USP37: variants seen among roughly 807,000 people sequenced by gnomAD.
USP37 encodes ubiquitin specific peptidase 37.
Under a neutral mutation model 124.0 loss-of-function variants are expected in USP37, and 27 were observed. The observed-to-expected ratio is 0.22, with a 90% confidence interval of 0.16 to 0.30. USP37 has a LOEUF of 0.30. Ranked by LOEUF, USP37 falls within the 10% of genes least tolerant of loss-of-function variation. The pLI is 1.00. For synonymous variants in USP37, 365 were observed against 388.0 expected, an observed-to-expected ratio of 0.94 and a Z score of 0.70; for missense variants, 889 against 1,140.4, an observed-to-expected ratio of 0.78 and a Z score of 3.17.
chr2:218,456,979 AAG>A, intron 24 of USP37, 111 bp downstream of exon 24: 2 of 1,111,470 alleles, frequency 1.8e-6, no homozygotes, highest in Non-Finnish European at 2.5e-6. Flanking sequence ...CAAAAAAAAA[AAG>A]AAAAAGAAAA....
chr2:218,557,623 T>C (rs1429418037), intron 4 of USP37, among the ~76,000 whole-genome samples: 1 of 59,086 alleles, frequency 1.7e-5, no homozygotes, highest in East Asian at 9.2e-4. Context: ...TTTTGCATAA[T>C]CTAATTTAAA....
At chr2:218,458,253 T>TAA (rs33911503) in intron 23 of USP37, among the ~76,000 whole-genome samples, 2,201 of 70,894 alleles carry the variant, frequency 0.031, 71 homozygotes, top group African/African-American at 0.054. Context: ...AGACCTTGCC[T>TAA]AAAAAAAAAA....
At chr2:218,538,992 G>A (rs1691817269) in intron 8 of USP37, among the ~76,000 whole-genome samples, 1 of 152,078 alleles carries the variant, frequency 6.6e-6, no homozygotes, top group Non-Finnish European at 1.5e-5. Flanking sequence ...TTTTGAGACA[G>A]GGGCTTGCTC....
chr2:218,542,028 T>C (rs990340633), intron 8 of USP37, among the ~76,000 whole-genome samples: 1 of 152,086 alleles, frequency 6.6e-6, no homozygotes, highest in Non-Finnish European at 1.5e-5. Flanking sequence ...AGTATGGAAA[T>C]AGGAAATCCC....
At chr2:218,469,421 CTGA>C (rs1453806887) in intron 20 of USP37, among the ~76,000 whole-genome samples, 1 of 152,120 alleles carries the variant, frequency 6.6e-6, no homozygotes, top group Admixed American at 6.6e-5. Flanking sequence ...ACAAAGTTAG[CTGA>C]TGATGAGCAT....
At position 218,515,260 on chromosome 2, in the gene USP37, C is replaced by T. The variant is rs534565025; in HGVS notation, c.864-5120G>A. On this transcript the variant is annotated intron_variant, in intron 10 of 25. Coordinates refer to ENST00000258399, the MANE Select transcript of USP37 (RefSeq NM_020935.3). ...CCAAGACAATCCTAAGCAAAAAGAA[C>T]AAAGCTGGAGGCATCACGCTACCTG... is the stretch of plus-strand genomic sequence containing the variant. 4.6e-5 allele frequency among the ~76,000 whole-genome samples: 7 copies of T among 151,836 alleles called. No homozygotes were observed. The East Asian group carries it at 1.4e-3, about 29-fold the overall frequency.
At chr2:218,496,512 G>C (rs762508593) in intron 13 of USP37, among the ~76,000 whole-genome samples, 9 of 152,218 alleles carry the variant, frequency 5.9e-5, no homozygotes, top group Non-Finnish European at 1.0e-4. Flanking sequence ...GCACTGACAT[G>C]AATCAATGAA....
chr2:218,535,605 C>T (rs57970469), intron 8 of USP37, among the ~76,000 whole-genome samples: 1,583 of 151,926 alleles, frequency 0.01, 42 homozygotes, highest in East Asian at 0.085. Flanking sequence ...ACCTGTAATC[C>T]CAGCACTTTG....
At chr2:218,528,873 C>T in intron 10 of USP37, 1 of 319,138 alleles carries the variant, frequency 3.1e-6, no homozygotes. Context: ...AATTAAATAT[C>T]CAACTAGCCT....
chr2:218,530,075 C>G (rs572602034), intron 9 of USP37, 35 bp from the exon 10 acceptor site: 1 of 1,493,890 alleles, frequency 6.7e-7, no homozygotes, highest in Non-Finnish European at 9.2e-7. Context: ...AAACTTAATT[C>G]CTAAATCAAC....
At chr2:218,515,960 G>C (rs1054159595) in intron 10 of USP37, among the ~76,000 whole-genome samples, 1 of 2,900 alleles carries the variant, frequency 3.4e-4, no homozygotes, top group Non-Finnish European at 0.012. Context: ...CTGGTCATTA[G>C]AGAATGCAAA....
chr2:218,492,762 A>G (rs1461939401), intron 14 of USP37, among the ~76,000 whole-genome samples: 1 of 152,184 alleles, frequency 6.6e-6, no homozygotes, highest in Non-Finnish European at 1.5e-5. Flanking sequence ...AACTCCAGCA[A>G]TTTGGGAGGC....
At chr2:218,552,514 A>G (rs1481951524) in intron 5 of USP37, among the ~76,000 whole-genome samples, 1 of 152,078 alleles carries the variant, frequency 6.6e-6, no homozygotes, top group Non-Finnish European at 1.5e-5. Flanking sequence ...CAGGAGTTCG[A>G]TAACAGCCTG....
At chr2:218,457,243 T>C in intron 23 of USP37, 82 bp from the exon 24 acceptor site, 1 of 1,362,788 alleles carries the variant, frequency 7.3e-7, no homozygotes, top group South Asian at 1.3e-5. Context: ...TTATCAAAGC[T>C]GACATGGCTA....
chr2:218,550,642 A>G (rs1490495284), intron 5 of USP37, among the ~76,000 whole-genome samples: 3 of 151,636 alleles, frequency 2.0e-5, no homozygotes, highest in East Asian at 1.9e-4. Context: ...AAAGAAAAAA[A>G]AAAAAAAACC....
intron 11 of USP37, 145 bp downstream of exon 11, chr2:218,509,834 T>C (rs1689879621): frequency 8.4e-6 from 6 of 717,520 alleles, no homozygotes; most frequent in South Asian, 4.7e-5. Flanking sequence ...ACATTACTTA[T>C]GGATGTAATA....
chr2:218,539,232 T>G (rs1378139707), intron 8 of USP37, among the ~76,000 whole-genome samples: 1 of 152,134 alleles, frequency 6.6e-6, no homozygotes, highest in Non-Finnish European at 1.5e-5. Flanking sequence ...GTGCTGGGAT[T>G]ACAGGTATTA....
At chr2:218,521,034 C>G (rs185190738) in intron 10 of USP37, among the ~76,000 whole-genome samples, 1 of 152,178 alleles carries the variant, frequency 6.6e-6, no homozygotes, top group East Asian at 1.9e-4. Flanking sequence ...GAGATCTGGT[C>G]ATTTAAAAGT....
At chr2:218,556,505 T>C (rs1474267879) in intron 4 of USP37, among the ~76,000 whole-genome samples, 2 of 111,402 alleles carry the variant, frequency 1.8e-5, no homozygotes, top group African/African-American at 5.2e-5. Context: ...GTTTTTCTGT[T>C]TTTTTTTTTT....
Sources: gnomAD v4.1 joint callset for allele counts (sites outside exome capture counted in the v4.1 genomes callset) on GRCh38, gnomAD v4.1.1 for gene constraint, MANE v1.5 for transcripts, NCBI Gene and HGNC (gene_info 2026-07-23, HGNC 2026-07-21) for gene names.